The following SDK1 variants were observed in gnomAD, a reference collection of about 807,000 sequenced individuals.
SDK1 encodes the protein protein sidekick-1.
Under a neutral mutation model 245.5 loss-of-function variants are expected in SDK1, and 157 were observed. The ratio of observed to expected loss-of-function variants is 0.64; its 90% CI spans 0.56 to 0.73. SDK1 has a LOEUF of 0.73. Ranked by LOEUF, SDK1 falls within the 30% of genes least tolerant of loss-of-function variation. SDK1 has a pLI of 0.00. For synonymous variants in SDK1, 1,647 were observed against 1,278.5 expected, an observed-to-expected ratio of 1.29 and a Z score of -6.15; for missense variants, 3,583 against 3,002.3, an observed-to-expected ratio of 1.19 and a Z score of -4.52.
intron 17 of SDK1, among the ~76,000 whole-genome samples, chr7:4,039,247 A>C (rs929591938): frequency 3.3e-5 from 5 of 152,258 alleles, no homozygotes; most frequent in African/African-American, 1.2e-4. Context: ...GCACATGTAT[A>C]CATATGTAAC....
At chr7:4,236,757 A>C (rs1786192106) in intron 41 of SDK1, among the ~76,000 whole-genome samples, 1 of 151,982 alleles carries the variant, frequency 6.6e-6, no homozygotes, top group South Asian at 2.1e-4. Context: ...TAACAGGTGG[A>C]ATGTGAGTGC....
intron 4 of SDK1, among the ~76,000 whole-genome samples, chr7:3,658,426 G>A (rs915739260): frequency 6.6e-6 from 1 of 151,960 alleles, no homozygotes. Flanking sequence ...GGCTTCTGAA[G>A]GGCTCACATT....
chr7:3,589,174 C>A (rs950886828), intron 1 of SDK1, among the ~76,000 whole-genome samples: 1 of 152,218 alleles, frequency 6.6e-6, no homozygotes, highest in African/African-American at 2.4e-5. Flanking sequence ...ACTGATCTCA[C>A]AGTTGGCGTG....
intron 4 of SDK1, among the ~76,000 whole-genome samples, chr7:3,692,737 T>C (rs1398011766): frequency 6.6e-6 from 1 of 152,176 alleles, no homozygotes; most frequent in Non-Finnish European, 1.5e-5. Flanking sequence ...ATATTTATAC[T>C]CTTTGATCTA....
At chr7:3,458,091 C>T (rs1332344510) in intron 1 of SDK1, among the ~76,000 whole-genome samples, 1 of 151,582 alleles carries the variant, frequency 6.6e-6, no homozygotes, top group Non-Finnish European at 1.5e-5. Context: ...GTGTGTTTTT[C>T]CCTGTTGGAA....
At chr7:3,717,934 A>G (rs904125867) in intron 4 of SDK1, among the ~76,000 whole-genome samples, 1 of 151,688 alleles carries the variant, frequency 6.6e-6, no homozygotes, top group Admixed American at 6.6e-5. Context: ...TTATTCTGAT[A>G]CCTGGAACAG....
At chr7:3,670,505 C>G (rs971091573) in intron 4 of SDK1, among the ~76,000 whole-genome samples, 1 of 152,194 alleles carries the variant, frequency 6.6e-6, no homozygotes, top group African/African-American at 2.4e-5. Context: ...CATCAGTGTT[C>G]TCATCTCTGA....
intron 4 of SDK1, among the ~76,000 whole-genome samples, chr7:3,778,378 G>GTT (rs1298114892): frequency 3.3e-5 from 5 of 152,158 alleles, no homozygotes; most frequent in Non-Finnish European, 4.4e-5. Flanking sequence ...TTTGTTAAGT[G>GTT]TTTTGGCTTT....
intron 28 of SDK1, among the ~76,000 whole-genome samples, chr7:4,144,066 A>G (rs903932201): frequency 4.6e-5 from 7 of 151,504 alleles, no homozygotes; most frequent in African/African-American, 1.7e-4. Flanking sequence ...GGGTCGGGGA[A>G]ACGGGAGGCC....
chr7:3,486,814 TTAGA>T (rs1781709950), intron 1 of SDK1, among the ~76,000 whole-genome samples: 1 of 152,210 alleles, frequency 6.6e-6, no homozygotes, highest in South Asian at 2.1e-4. Context: ...GTCCTAAAAC[TTAGA>T]TAATTTTTGT....
At chr7:3,739,764 G>T (rs1779423473) in intron 4 of SDK1, among the ~76,000 whole-genome samples, 1 of 152,044 alleles carries the variant, frequency 6.6e-6, no homozygotes, top group Admixed American at 6.6e-5. Context: ...TACCTTAGGG[G>T]CAGTTTCTAT....
chr7:3,942,837 G>A (rs890589820), intron 5 of SDK1, among the ~76,000 whole-genome samples: 3 of 152,200 alleles, frequency 2.0e-5, no homozygotes, highest in African/African-American at 4.8e-5. Flanking sequence ...GCCGCTTCTC[G>A]TTGGAAATGT....
chr7:3,818,678 G>A (rs375245711), intron 4 of SDK1, among the ~76,000 whole-genome samples: 1 of 152,236 alleles, frequency 6.6e-6, no homozygotes. Context: ...AAGTATCTGA[G>A]CTCATGAACC....
At chr7:3,666,811 C>T (rs1206921737) in intron 4 of SDK1, among the ~76,000 whole-genome samples, 1 of 152,112 alleles carries the variant, frequency 6.6e-6, no homozygotes, top group Non-Finnish European at 1.5e-5. Flanking sequence ...TCAGGTGGTC[C>T]ATGCCTTCCT....
At chr7:3,440,124 A>G (rs558091662) in intron 1 of SDK1, among the ~76,000 whole-genome samples, 3 of 152,318 alleles carry the variant, frequency 2.0e-5, no homozygotes, top group Admixed American at 6.5e-5. Flanking sequence ...TAAATAATTC[A>G]TCAGTTTTAA....
intron 1 of SDK1, among the ~76,000 whole-genome samples, chr7:3,427,380 G>T (rs1289750261): frequency 6.6e-6 from 1 of 152,024 alleles, no homozygotes; most frequent in African/African-American, 2.4e-5. Flanking sequence ...TTGGCTGGGT[G>T]TGGTGGCGGG....
intron 4 of SDK1, among the ~76,000 whole-genome samples, chr7:3,732,647 C>T (rs1018025060): frequency 3.9e-5 from 6 of 152,234 alleles, no homozygotes; most frequent in African/African-American, 7.2e-5. Context: ...AATTAATCCT[C>T]GCAGTGTGTC....
chr7:4,193,558 C>T (rs1430188710), intron 35 of SDK1, among the ~76,000 whole-genome samples: 3 of 151,882 alleles, frequency 2.0e-5, no homozygotes, highest in African/African-American at 7.3e-5. Context: ...TCCTCCCACA[C>T]ATCCCCATTC....
chr7:4,206,465 C>G (rs908039433), intron 36 of SDK1, among the ~76,000 whole-genome samples: 1 of 152,178 alleles, frequency 6.6e-6, no homozygotes, highest in Admixed American at 6.5e-5. Context: ...GTGGGGCCCG[C>G]CAGTCTCATT....
Sources: gnomAD v4.1 joint callset for allele counts (sites outside exome capture counted in the v4.1 genomes callset) on GRCh38, gnomAD v4.1.1 for gene constraint, MANE v1.5 for transcripts, NCBI Gene and HGNC (gene_info 2026-07-23, HGNC 2026-07-21) for gene names.